Variants in TXNL1 observed in about 807,000 individuals in gnomAD.
The protein encoded by TXNL1 is thioredoxin-like protein 1.
Under a neutral mutation model 35.5 loss-of-function variants are expected in TXNL1, and 14 were observed. The ratio of observed to expected loss-of-function variants is 0.39; its 90% CI spans 0.26 to 0.62. The LOEUF is 0.62. Among genes scored for constraint, TXNL1 ranks in the 20% least tolerant of loss-of-function variants. TXNL1 has a pLI of 0.47. For missense variants in TXNL1, 263 were observed against 349.7 expected (o/e 0.75, Z 1.98); for synonymous variants, 110 against 115.5 (o/e 0.95, Z 0.31).
At chr18:56,610,482 GC>G (rs1376585318) in intron 7 of TXNL1, 1 of 152,290 alleles carries the variant, frequency 6.6e-6, no homozygotes, top group Non-Finnish European at 1.5e-5. Context: ...CAGAAAACTT[GC>G]CTGTTCATCA....
At chr18:56,614,685 C>A in intron 5 of TXNL1, 89 bp from the exon 6 acceptor site, 1 of 1,052,540 alleles carries the variant, frequency 9.5e-7, no homozygotes, top group South Asian at 1.7e-5. Flanking sequence ...TACACAGACA[C>A]ACACAAATCA....
At chr18:56,612,995 T>C (rs554605993) in intron 6 of TXNL1, among the ~76,000 whole-genome samples, 72 of 152,040 alleles carry the variant, frequency 4.7e-4, no homozygotes, top group African/African-American at 1.5e-3. Flanking sequence ...CGCATCACCA[T>C]GCCCAGCTAG....
Position 56,617,854 on chromosome 18 carries a change from A to C in TXNL1, c.492+150T>G, listed in dbSNP as rs995211541. On this transcript the variant is annotated intron_variant, in intron 4 of 7. Coordinates refer to ENST00000217515, the MANE Select transcript of TXNL1 (RefSeq NM_004786.3). ...GAAGGTGGGTATGTATGGTCAAAAA[A>C]CAAAAGTCAAAGAAACTAAAAGCTA... is the stretch of plus-strand genomic sequence containing the variant. The C allele has an allele frequency of 3.6e-6, 4 of 1,116,152 alleles. No homozygotes were observed. The African/African-American group carries it at 6.3e-5, about 17-fold the overall frequency. 69.1% of individuals were successfully genotyped at this position (1,116,152 alleles called of 1,614,324 possible). A position where few individuals can be genotyped will look rare whatever the true frequency, so the allele number is the denominator to read the frequency against.
chr18:56,615,613 A>C (rs1568102251), intron 5 of TXNL1, among the ~76,000 whole-genome samples: 2 of 152,196 alleles, frequency 1.3e-5, no homozygotes, highest in Non-Finnish European at 2.9e-5. Flanking sequence ...CAGTTTCCTC[A>C]AAATAAAAGG....
chr18:56,633,289 T>C (rs1018561273), intron 1 of TXNL1, among the ~76,000 whole-genome samples: 2 of 151,394 alleles, frequency 1.3e-5, no homozygotes, highest in Non-Finnish European at 2.9e-5. Flanking sequence ...CTACTAAAAA[T>C]ACAAAAAATT....
rs550355730 is a variant in TXNL1 at position 56,614,010 on chromosome 18, T to A, written c.735+414A>T. 9.8e-4 allele frequency among the ~76,000 whole-genome samples: 149 copies of A among 151,422 alleles called. No individual in the cohort carries two copies. The South Asian group carries it at 0.01, about 10-fold the overall frequency. On this transcript the variant is annotated intron_variant, in intron 6 of 7. Transcript: ENST00000217515. ...AGCGAGACTCCATCTCAAAAAAAAA[T>A]AAATAAATAAAAAGTCATTTTTACT...
At chr18:56,633,821 T>C (rs1405393723) in intron 1 of TXNL1, among the ~76,000 whole-genome samples, 1 of 151,068 alleles carries the variant, frequency 6.6e-6, no homozygotes, top group African/African-American at 2.4e-5. Context: ...CCGTCTCTAC[T>C]AAAAATACAA....
At chr18:56,637,000 G>A (rs1475713311) in intron 1 of TXNL1, among the ~76,000 whole-genome samples, 2 of 152,040 alleles carry the variant, frequency 1.3e-5, no homozygotes, top group Non-Finnish European at 2.9e-5. Context: ...ATTCCTTTTA[G>A]GTGTTTTATA....
rs1035615136 is a variant in TXNL1 at position 56,601,700 on chromosome 18, G to C, written c.*1327C>G. The C allele has an allele frequency of 2.6e-5, 4 of 152,168 alleles. No homozygotes were observed. The highest frequency in any genetic ancestry group is 9.6e-5 in the African/African-American group (4 of 41,522). 9.4% of individuals were successfully genotyped at this position (152,168 alleles called of 1,614,324 possible). The stretch of plus-strand genomic sequence containing the variant: ...CACACTGCTCTCACAAAGGCAAATG[G>C]TATCTCTACCATATTCCTAGACAAG... On this transcript the variant is annotated 3_prime_UTR_variant, in exon 8 of 8. Transcript: ENST00000217515.
chr18:56,620,588 T>G (rs1054335800), intron 3 of TXNL1, among the ~76,000 whole-genome samples: 1 of 152,254 alleles, frequency 6.6e-6, no homozygotes, highest in Non-Finnish European at 1.5e-5. Flanking sequence ...GTTCTGCTTC[T>G]AGTAGAGTTG....
At chr18:56,615,364 G>T (rs2024066952) in intron 5 of TXNL1, among the ~76,000 whole-genome samples, 1 of 131,526 alleles carries the variant, frequency 7.6e-6, no homozygotes, top group Admixed American at 8.6e-5. Flanking sequence ...TCTAAATAAG[G>T]CCTTGGTTAT....
chr18:56,624,118 C>T (rs2024236659), intron 3 of TXNL1, among the ~76,000 whole-genome samples, 170 bp downstream of exon 3: 1 of 152,094 alleles, frequency 6.6e-6, no homozygotes, highest in Admixed American at 6.5e-5. Context: ...CACAAACGTA[C>T]ACATACAGAC....
At chr18:56,628,595 A>G (rs748918530) in intron 1 of TXNL1, among the ~76,000 whole-genome samples, 20 of 152,230 alleles carry the variant, frequency 1.3e-4, no homozygotes, top group Middle Eastern at 3.2e-3. Context: ...ATATGACTAC[A>G]TACAGTTCAA....
intron 5 of TXNL1, among the ~76,000 whole-genome samples, 176 bp downstream of exon 5, chr18:56,616,069 T>G (rs2024081179): frequency 6.6e-6 from 1 of 151,076 alleles, no homozygotes; most frequent in African/African-American, 2.4e-5. Flanking sequence ...GAGGCAGAGA[T>G]TACAGTGAGC....
intron 1 of TXNL1, 59 bp from the exon 2 acceptor site, chr18:56,626,516 G>T (rs1448860019): frequency 7.2e-7 from 1 of 1,389,748 alleles, no homozygotes; most frequent in Non-Finnish European, 1.0e-6. Flanking sequence ...TAAAGCACTC[G>T]TCAATTAAAC....
In TXNL1 at chr18:56,618,095, C is replaced by T; in HGVS notation, c.401G>A (p.Gly134Asp). 3 of 1,613,788 alleles carry T rather than the reference C, an allele frequency of 1.9e-6. No individual in the cohort carries two copies. The highest frequency in any genetic ancestry group is 1.7e-4 in the Middle Eastern group (1 of 6,052). The stretch of plus-strand genomic sequence containing the variant: ...ATCACTTTCATTAAGACATTCACAA[C>T]CAGCTTTGTTAATAAAAGGCATTAA... Reference protein sequence around the residue: ...MDLMPFINKAGCECLNESDEH... With the variant: ...MDLMPFINKADCECLNESDEH... The change falls in exon 4 of 8, where the codon GGT becomes GAT. Residue 134 changes from glycine to aspartate, a missense_variant. By Grantham distance (94) the Gly-to-Asp change is moderately conservative. Coordinates refer to ENST00000217515, the MANE Select transcript of TXNL1 (RefSeq NM_004786.3).
chr18:56,626,505 C>T (rs2539921), intron 1 of TXNL1, 48 bp from the exon 2 acceptor site: 3 of 1,459,774 alleles, frequency 2.1e-6, no homozygotes, highest in African/African-American at 2.9e-5. Context: ...GATTGTAATT[C>T]TAAAGCACTC....
intron 7 of TXNL1, among the ~76,000 whole-genome samples, chr18:56,606,784 A>AT (rs1478980418): frequency 6.6e-6 from 1 of 152,254 alleles, no homozygotes; most frequent in African/African-American, 2.4e-5. Context: ...AAACTGCTGT[A>AT]GACAGAGATC....
At position 56,602,848 on chromosome 18, in the gene TXNL1, T is replaced by C. The variant is rs1355652033; in HGVS notation, c.*179A>G. Reference sequence around the variant, plus strand: ...TAAGCTTGGCAAAAGTGGTGACTTTTATTTACAATTGCATGTGTCAAGATT... The same window carrying C: ...TAAGCTTGGCAAAAGTGGTGACTTTCATTTACAATTGCATGTGTCAAGATT... On this transcript the variant is annotated 3_prime_UTR_variant, in exon 8 of 8. Transcript: ENST00000217515. The C allele has an allele frequency of 1.4e-6, 1 of 701,984 alleles. No individual in the cohort carries two copies. The highest frequency in any genetic ancestry group is 2.4e-6 in the Non-Finnish European group (1 of 417,944). The allele number at this position is 701,984 out of a possible 1,614,324, so 43.5% of individuals were successfully genotyped here.
Sources: gnomAD v4.1 joint callset for allele counts (sites outside exome capture counted in the v4.1 genomes callset) on GRCh38, gnomAD v4.1.1 for gene constraint, MANE v1.5 for transcripts, NCBI Gene and HGNC (gene_info 2026-07-23, HGNC 2026-07-21) for gene names.